The following CFI variants were observed in gnomAD, a reference collection of about 807,000 sequenced individuals.
CFI encodes the protein complement factor I, also known as C3B/C4B inactivator.
Under a neutral mutation model 78.8 loss-of-function variants are expected in CFI, and 66 were observed. The ratio of observed to expected loss-of-function variants is 0.84; its 90% CI spans 0.69 to 1.03. The LOEUF (loss-of-function observed/expected upper bound fraction) is 1.03, where lower values mean the gene tolerates loss of function less well. CFI is among the 50% of genes least tolerant of loss of function. The probability of loss-of-function intolerance (pLI) is 0.00; values close to 1 mark genes in which losing one functional copy is unlikely to be tolerated. For synonymous variants in CFI, 250 were observed against 232.6 expected (o/e 1.07, Z -0.68); for missense variants, 706 against 704.5 (o/e 1.00, Z -0.02).
At chr4:109,771,048 T>G (rs1396185544) in intron 1 of CFI, among the ~76,000 whole-genome samples, 2 of 151,556 alleles carry the variant, frequency 1.3e-5, no homozygotes. Flanking sequence ...GTGATAGGAG[T>G]GCTTTTCATT....
intron 7 of CFI, among the ~76,000 whole-genome samples, chr4:109,755,858 T>C (rs78730002): frequency 0.02 from 3,053 of 152,290 alleles, 51 homozygotes; most frequent in Non-Finnish European, 0.029. Context: ...CACAGTATGA[T>C]TGTGGGCTGA....
chr4:109,763,306 G>T (rs1727314955), intron 3 of CFI, among the ~76,000 whole-genome samples: 2 of 152,060 alleles, frequency 1.3e-5, no homozygotes, highest in South Asian at 4.2e-4. Flanking sequence ...ATGATTTATG[G>T]TATAAGTTCA....
In CFI at chr4:109,742,665, T is replaced by C. The variant is rs1723950594; in HGVS notation, c.1430-70A>G. 13 of 977,704 alleles carry C rather than the reference T, an allele frequency of 1.3e-5. No individual in the cohort carries two copies. In the South Asian group the frequency reaches 1.7e-4, roughly 13 times the overall value. The allele number at this position is 977,704 out of a possible 1,614,324, so 60.6% of individuals were successfully genotyped here. A position where few individuals can be genotyped will look rare whatever the true frequency, so the allele number is the denominator to read the frequency against. ...AATCTAAATACATACTCTCATAACT[T>C]AAACCATTGGGATTATGAAAGGGTG... On this transcript the variant is annotated intron_variant, in intron 11 of 12. Coordinates refer to ENST00000394634, the MANE Select transcript of CFI (RefSeq NM_000204.5).
intron 1 of CFI, among the ~76,000 whole-genome samples, chr4:109,792,554 C>G (rs1731516471): frequency 6.6e-6 from 1 of 151,780 alleles, no homozygotes. Context: ...GACTCCATCT[C>G]AAAAACAAAA....
intron 1 of CFI, among the ~76,000 whole-genome samples, chr4:109,790,589 C>T (rs530784381): frequency 5.5e-4 from 83 of 152,222 alleles, no homozygotes; most frequent in South Asian, 5.0e-3. Flanking sequence ...TTCCTCCTCC[C>T]AGCCTCCATC....
rs754972981 is a variant in CFI at position 109,746,222 on chromosome 4, C to G, written c.1429G>C (p.Asp477His). 12 of 1,614,036 alleles carry G rather than the reference C, an allele frequency of 7.4e-6. No homozygotes were observed. The highest frequency in any genetic ancestry group is 9.3e-6 in the Non-Finnish European group (11 of 1,179,990). The change falls in exon 11 of 13, where the codon GAT becomes CAT. Residue 477 changes from aspartate to histidine, a missense_variant and splice_region_variant. Physicochemically the swap from Asp to His is moderately conservative, Grantham distance 81 (BLOSUM62 -1). Coordinates refer to ENST00000394634, the MANE Select transcript of CFI (RefSeq NM_000204.5). ...GATTAACAAACTGTAAAACATATAC[C>G]TTTTTCTCGTCCCCAGCCAGAAACG... Reference protein sequence around the residue: ...CIVSGWGREKDNERVFSLQWG... With the variant: ...CIVSGWGREKHNERVFSLQWG...
At chr4:109,790,710 A>G (rs1470104366) in intron 1 of CFI, among the ~76,000 whole-genome samples, 1 of 151,984 alleles carries the variant, frequency 6.6e-6, no homozygotes, top group Non-Finnish European at 1.5e-5. Context: ...CTGTTTCTGC[A>G]TTTGTTTACT....
At chr4:109,786,682 G>A (rs1730787633) in intron 1 of CFI, among the ~76,000 whole-genome samples, 1 of 152,084 alleles carries the variant, frequency 6.6e-6, no homozygotes, top group Non-Finnish European at 1.5e-5. Flanking sequence ...TTAGCTGTGT[G>A]ATCTTGGATA....
Position 109,749,584 on chromosome 4 carries a change from G to T in CFI, c.959C>A (p.Ser320Ter). Residue 320 changes from serine to a stop codon, truncating the protein, a stop_gained, in exon 9 of 13, where the codon TCA (serine) becomes TAA (stop). Coordinates refer to ENST00000394634, the MANE Select transcript of CFI (RefSeq NM_000204.5). LOFTEE classifies it high-confidence loss of function. The stretch of plus-strand genomic sequence containing the variant: ...TCCACAAGATAGTTTAGGTAATAAT[G>T]ATTTTATCCGTCTTCTTTCTTCAAG... ...DMDAERRRIK[S>*]LLPKLSCGVK... is the part of the protein sequence containing the mutation. 2 of 1,602,136 alleles carry T rather than the reference G, an allele frequency of 1.2e-6. No individual in the cohort carries two copies. The highest frequency in any genetic ancestry group is 1.1e-5 in the South Asian group (1 of 90,840).
chr4:109,759,753 G>C (rs867200006), intron 6 of CFI, among the ~76,000 whole-genome samples: 1 of 152,100 alleles, frequency 6.6e-6, no homozygotes, highest in South Asian at 2.1e-4. Context: ...AATTAGCCAG[G>C]CATGGTGGCA....
chr4:109,761,867 A>G (rs1423213162), intron 3 of CFI, 175 bp from the exon 4 acceptor site: 1 of 612,292 alleles, frequency 1.6e-6, no homozygotes, highest in African/African-American at 1.8e-5. Flanking sequence ...AAAAGGGAAT[A>G]TAACTACCTC....
intron 10 of CFI, among the ~76,000 whole-genome samples, chr4:109,748,321 G>A (rs1724726982): frequency 6.6e-6 from 1 of 152,206 alleles, no homozygotes; most frequent in African/African-American, 2.4e-5. Flanking sequence ...GTTAGGCACT[G>A]AGATGCAGAA....
At chr4:109,760,882 G>A (rs1348506500) in intron 4 of CFI, among the ~76,000 whole-genome samples, 1 of 152,198 alleles carries the variant, frequency 6.6e-6, no homozygotes, top group African/African-American at 2.4e-5. Context: ...TATTTGCTGA[G>A]ATGGGGAGGA....
chr4:109,756,853 A>T (rs561175519), intron 7 of CFI, among the ~76,000 whole-genome samples: 3 of 148,918 alleles, frequency 2.0e-5, no homozygotes, highest in Non-Finnish European at 4.4e-5. Context: ...GACCGAGTAC[A>T]AGACCGAGAC....
At chr4:109,775,706 G>T (rs1222411819) in intron 1 of CFI, among the ~76,000 whole-genome samples, 1 of 152,166 alleles carries the variant, frequency 6.6e-6, no homozygotes, top group Non-Finnish European at 1.5e-5. Flanking sequence ...CCTCAAGTGG[G>T]TTCATGACCC....
intron 1 of CFI, among the ~76,000 whole-genome samples, chr4:109,781,990 G>A (rs547971990): frequency 6.6e-6 from 1 of 151,850 alleles, no homozygotes; most frequent in Non-Finnish European, 1.5e-5. Flanking sequence ...CAGCAAAATC[G>A]GCATACAAGG....
intron 1 of CFI, among the ~76,000 whole-genome samples, chr4:109,772,538 A>G (rs565763601): frequency 6.6e-6 from 1 of 151,704 alleles, no homozygotes; most frequent in East Asian, 1.9e-4. Context: ...AACTACTATT[A>G]TGTGTGTTTT....
intron 1 of CFI, among the ~76,000 whole-genome samples, chr4:109,768,777 A>C (rs1468335151): frequency 6.6e-6 from 1 of 152,236 alleles, no homozygotes; most frequent in Non-Finnish European, 1.5e-5. Context: ...CAAAAATCAT[A>C]GTCTTTAAAT....
At chr4:109,770,068 G>A (rs1301022849) in intron 1 of CFI, among the ~76,000 whole-genome samples, 2 of 152,120 alleles carry the variant, frequency 1.3e-5, no homozygotes, top group Admixed American at 6.5e-5. Flanking sequence ...AAGGGAAAAC[G>A]CTACCTCACT....
Sources: allele counts gnomAD v4.1 joint callset (sites outside exome capture counted in the v4.1 genomes callset), GRCh38; gene constraint gnomAD v4.1.1; transcripts MANE v1.5; gene names NCBI Gene and HGNC (gene_info 2026-07-23, HGNC 2026-07-21).